LMNTD1: variants seen among roughly 807,000 people sequenced by gnomAD.
LMNTD1 encodes lamin tail domain-containing protein 1.
In LMNTD1, 35 loss-of-function variants were observed where a neutral mutation model predicts 50.9. The ratio of observed to expected loss-of-function variants is 0.69; its 90% CI spans 0.53 to 0.91. LMNTD1 has a LOEUF of 0.91. Among genes scored for constraint, LMNTD1 ranks in the 40% least tolerant of loss-of-function variants. The probability of loss-of-function intolerance (pLI) is 0.00; values close to 1 mark genes in which losing one functional copy is unlikely to be tolerated. For missense variants in LMNTD1, 470 were observed against 475.5 expected (o/e 0.99, Z 0.11); for synonymous variants, 153 against 161.9 (o/e 0.94, Z 0.42).
At chr12:25,561,066 T>C (rs966753566) in intron 1 of LMNTD1, among the ~76,000 whole-genome samples, 2 of 152,014 alleles carry the variant, frequency 1.3e-5, no homozygotes, top group Admixed American at 6.6e-5. Flanking sequence ...TTTCCAACAC[T>C]ATTTTGTTGA....
rs1946870840 is a variant in LMNTD1 at position 25,637,924 on chromosome 12, C to T, written c.58+10570G>A. Among the ~76,000 whole-genome samples, 5 of 151,968 alleles carry T rather than the reference C, an allele frequency of 3.3e-5. No homozygotes were observed. In the South Asian group the frequency reaches 6.2e-4, roughly 19 times the overall value. On this transcript the variant is annotated intron_variant, in intron 1 of 7. Coordinates refer to the LMNTD1 transcript ENST00000445693. The stretch of plus-strand genomic sequence containing the variant: ...CACAAGAAAACCACAGACTAATATT[C>T]CATATTCACATATATGCAAAAATGC...
upstream of LMNTD1, among the ~76,000 whole-genome samples, chr12:25,556,476 CAT>C (rs1162151324): frequency 1.3e-5 from 2 of 152,160 alleles, no homozygotes; most frequent in Admixed American, 6.5e-5. Flanking sequence ...ACTCTTGTTC[CAT>C]ATCTTCCTTT....
intron 9 of LMNTD1, chr12:25,502,970 C>T (rs1444980633): frequency 1.3e-5 from 2 of 152,156 alleles, no homozygotes; most frequent in East Asian, 3.9e-4. Context: ...CAGGAGAGTC[C>T]AGAATACCAA....
intron 8 of LMNTD1, among the ~76,000 whole-genome samples, chr12:25,511,652 ATAACTAT>A (rs944025903): frequency 1.6e-4 from 25 of 152,294 alleles, no homozygotes; most frequent in Non-Finnish European, 2.6e-4. Flanking sequence ...ACTATTAACT[ATAACTAT>A]TAACTATTAA....
intron 1 of LMNTD1, among the ~76,000 whole-genome samples, chr12:25,594,886 A>G (rs1945808483): frequency 6.6e-6 from 1 of 152,174 alleles, no homozygotes; most frequent in Non-Finnish European, 1.5e-5. Flanking sequence ...AAGGTAGAAA[A>G]AGACATTCCA....
At chr12:25,493,949 C>T (rs1239679251) in intron 9 of LMNTD1, among the ~76,000 whole-genome samples, 1 of 152,148 alleles carries the variant, frequency 6.6e-6, no homozygotes, top group Non-Finnish European at 1.5e-5. Flanking sequence ...GCCCCAGCTG[C>T]CTTAAGGAGA....
At chr12:25,498,118 A>C (rs1939170098) in intron 9 of LMNTD1, among the ~76,000 whole-genome samples, 1 of 152,184 alleles carries the variant, frequency 6.6e-6, no homozygotes, top group African/African-American at 2.4e-5. Context: ...TGAAGCAATC[A>C]TACTTTCTCA....
intron 9 of LMNTD1, among the ~76,000 whole-genome samples, chr12:25,487,469 T>C (rs1938692849): frequency 7.2e-6 from 1 of 139,618 alleles, no homozygotes; most frequent in Admixed American, 7.7e-5. Flanking sequence ...CTGCCTTTTT[T>C]TGTTTTCCAT....
At chr12:25,605,411 C>T (rs1044567467) in intron 1 of LMNTD1, among the ~76,000 whole-genome samples, 3 of 152,072 alleles carry the variant, frequency 2.0e-5, no homozygotes, top group African/African-American at 7.2e-5. Flanking sequence ...ACATGAAGTC[C>T]TTGCCCATGC....
intron 4 of LMNTD1, among the ~76,000 whole-genome samples, chr12:25,537,577 C>T (rs1307854427): frequency 1.3e-5 from 2 of 151,992 alleles, no homozygotes; most frequent in African/African-American, 4.8e-5. Flanking sequence ...ATCTGTACAT[C>T]ACCATCATCA....
chr12:25,637,481 T>A (rs1946860456), intron 1 of LMNTD1, among the ~76,000 whole-genome samples: 1 of 151,836 alleles, frequency 6.6e-6, no homozygotes, highest in Non-Finnish European at 1.5e-5. Flanking sequence ...AAATGAAAAA[T>A]TCACTACAGA....
intron 1 of LMNTD1, among the ~76,000 whole-genome samples, chr12:25,602,799 GAA>G (rs559952784): frequency 1.0e-3 from 154 of 150,974 alleles, no homozygotes; most frequent in African/African-American, 3.6e-3. Context: ...AGAGGAGAGG[GAA>G]AAAAAAATCA....
At chr12:25,541,896 C>G (rs1260262576) in intron 4 of LMNTD1, among the ~76,000 whole-genome samples, 1 of 151,196 alleles carries the variant, frequency 6.6e-6, no homozygotes, top group Non-Finnish European at 1.5e-5. Context: ...ACAACCCCAT[C>G]AAAAAGTGGG....
intron 1 of LMNTD1, among the ~76,000 whole-genome samples, chr12:25,597,229 C>G (rs923840196): frequency 3.9e-5 from 6 of 151,950 alleles, no homozygotes; most frequent in African/African-American, 1.4e-4. Flanking sequence ...GGACTAAACT[C>G]TCCAATCGAA....
intron 1 of LMNTD1, among the ~76,000 whole-genome samples, chr12:25,585,048 C>T (rs1312298528): frequency 1.3e-5 from 2 of 152,164 alleles, no homozygotes; most frequent in African/African-American, 4.8e-5. Flanking sequence ...AAGGGTCTGA[C>T]CTTGAGGACA....
chr12:25,520,485 T>C (rs982966281), intron 6 of LMNTD1, among the ~76,000 whole-genome samples: 9 of 151,880 alleles, frequency 5.9e-5, no homozygotes, highest in Admixed American at 3.9e-4. Context: ...AACATTTTTC[T>C]TTCTGTGTCT....
chr12:25,604,743 T>A (rs1322969750), intron 1 of LMNTD1, among the ~76,000 whole-genome samples: 1 of 152,218 alleles, frequency 6.6e-6, no homozygotes, highest in East Asian at 1.9e-4. Flanking sequence ...TAATCCAGAC[T>A]ATCATTGGTA....
intron 8 of LMNTD1, among the ~76,000 whole-genome samples, chr12:25,511,666 TTAACTA>T (rs1940306279): frequency 1.3e-5 from 2 of 152,298 alleles, no homozygotes; most frequent in African/African-American, 4.8e-5. Flanking sequence ...CTATTAACTA[TTAACTA>T]TAACACCTAT....
intron 9 of LMNTD1, among the ~76,000 whole-genome samples, chr12:25,479,475 A>G (rs990506055): frequency 2.0e-5 from 3 of 152,212 alleles, no homozygotes; most frequent in African/African-American, 7.2e-5. Context: ...ATTGTCATGT[A>G]GTTGGCATTG....
Sources: gnomAD v4.1 joint callset for allele counts (sites outside exome capture counted in the v4.1 genomes callset) on GRCh38, gnomAD v4.1.1 for gene constraint, MANE v1.5 for transcripts, NCBI Gene and HGNC (gene_info 2026-07-23, HGNC 2026-07-21) for gene names.